The following AUTS2 variants were observed in gnomAD, a reference collection of about 807,000 sequenced individuals.
AUTS2 encodes the protein activator of transcription and developmental regulator AUTS2, also known as autism susceptibility gene 2 protein.
In AUTS2, 17 loss-of-function variants were observed where a neutral mutation model predicts 112.4. That is an observed-to-expected ratio of 0.15 (90% CI 0.10 to 0.23). AUTS2 has a LOEUF of 0.23. AUTS2 is among the 10% of genes least tolerant of loss of function. The probability of loss-of-function intolerance (pLI) is 1.00; values close to 1 mark genes in which losing one functional copy is unlikely to be tolerated. For synonymous variants in AUTS2, 751 were observed against 702.7 expected (o/e 1.07, Z -1.09); for missense variants, 1,510 against 1,701.6 (o/e 0.89, Z 1.98).
At chr7:69,690,496 G>A (rs931483970) in intron 1 of AUTS2, among the ~76,000 whole-genome samples, 29 of 152,226 alleles carry the variant, frequency 1.9e-4, no homozygotes, top group African/African-American at 6.5e-4. Context: ...CAGGCGCAGA[G>A]CGGCAAGGGG....
rs566329554 is a variant in AUTS2, at chr7:69,770,829, G to A, written c.310-128457G>A. On this transcript the variant is annotated intron_variant, in intron 1 of 18. Coordinates refer to ENST00000342771, the MANE Select transcript of AUTS2 (RefSeq NM_015570.4). ...CCCCTCACCTCAGCTGCACTTAGGA[G>A]GACTTAATGACATCATTTAACGTTA... is the stretch of plus-strand genomic sequence containing the variant. Among the ~76,000 whole-genome samples, 11 of 152,056 alleles carry A rather than the reference G, an allele frequency of 7.2e-5. No homozygotes were observed. In the East Asian group the frequency reaches 1.9e-3, roughly 27 times the overall value.
At chr7:69,799,246 T>G (rs1789977077) in intron 1 of AUTS2, among the ~76,000 whole-genome samples, 1 of 152,110 alleles carries the variant, frequency 6.6e-6, no homozygotes, top group African/African-American at 2.4e-5. Flanking sequence ...CAACCCAGAT[T>G]CACTGAATGA....
chr7:70,605,778 A>G (rs755702422), intron 5 of AUTS2, among the ~76,000 whole-genome samples: 22 of 152,214 alleles, frequency 1.4e-4, no homozygotes, highest in Non-Finnish European at 2.5e-4. Context: ...AGGAATACAC[A>G]CAGACCAGAG....
At chr7:69,809,585 G>T (rs1195567382) in intron 1 of AUTS2, among the ~76,000 whole-genome samples, 1 of 152,016 alleles carries the variant, frequency 6.6e-6, no homozygotes, top group Non-Finnish European at 1.5e-5. Context: ...AGAACCTGGG[G>T]GCTCACATTT....
At chr7:69,801,956 G>C (rs1367492620) in intron 1 of AUTS2, among the ~76,000 whole-genome samples, 1 of 152,170 alleles carries the variant, frequency 6.6e-6, no homozygotes, top group East Asian at 1.9e-4. Flanking sequence ...AGGAGTCACT[G>C]AGAAGGCAAC....
At chr7:70,246,750 AT>A in intron 4 of AUTS2, among the ~76,000 whole-genome samples, 1 of 152,172 alleles carries the variant, frequency 6.6e-6, no homozygotes, top group South Asian at 2.1e-4. Flanking sequence ...TGAAATTTTC[AT>A]TGGAATTGCA....
intron 2 of AUTS2, among the ~76,000 whole-genome samples, chr7:70,100,893 T>G (rs570353886): frequency 6.6e-6 from 1 of 152,236 alleles, no homozygotes; most frequent in African/African-American, 2.4e-5. Flanking sequence ...TTTTTGTTTT[T>G]TTGAGACAGA....
intron 6 of AUTS2, among the ~76,000 whole-genome samples, chr7:70,704,838 T>C (rs918247712): frequency 6.6e-6 from 1 of 152,244 alleles, no homozygotes; most frequent in African/African-American, 2.4e-5. Context: ...TTTATTTAAC[T>C]AGGTTTCTTT....
intron 1 of AUTS2, among the ~76,000 whole-genome samples, chr7:69,837,380 A>G (rs566942687): frequency 1.1e-4 from 16 of 152,268 alleles, no homozygotes; most frequent in African/African-American, 3.6e-4. Flanking sequence ...AAGGTTACCC[A>G]GCTAGAACTT....
intron 4 of AUTS2, among the ~76,000 whole-genome samples, chr7:70,303,022 C>CTGTGCAGA (rs373307155): frequency 6.6e-5 from 10 of 151,318 alleles, no homozygotes; most frequent in African/African-American, 2.4e-4. Context: ...TCCCTTGTGG[C>CTGTGCAGA]TGTGCAGAAG....
intron 1 of AUTS2, among the ~76,000 whole-genome samples, chr7:69,898,164 T>G (rs1046916488): frequency 6.6e-6 from 1 of 152,194 alleles, no homozygotes; most frequent in African/African-American, 2.4e-5. Flanking sequence ...AAACATCTTA[T>G]GTAAGTCATA....
intron 2 of AUTS2, among the ~76,000 whole-genome samples, chr7:70,027,297 C>T (rs895118723): frequency 3.3e-5 from 5 of 152,110 alleles, no homozygotes; most frequent in African/African-American, 1.2e-4. Context: ...GTTATTTTAG[C>T]CTTGTCGGGT....
intron 5 of AUTS2, among the ~76,000 whole-genome samples, chr7:70,542,739 G>C (rs1800604201): frequency 6.6e-6 from 1 of 152,206 alleles, no homozygotes. Flanking sequence ...GAGTAGAAGA[G>C]ACGTGCCCAG....
intron 2 of AUTS2, among the ~76,000 whole-genome samples, chr7:70,042,352 G>A (rs899757856): frequency 6.6e-6 from 1 of 152,146 alleles, no homozygotes; most frequent in African/African-American, 2.4e-5. Context: ...CAAGGTTCCT[G>A]TTGAAACAGA....
At chr7:69,729,994 A>ATTTTTTTTTTTTTTT (rs10684331) in intron 1 of AUTS2, among the ~76,000 whole-genome samples, 7 of 56,760 alleles carry the variant, frequency 1.2e-4, no homozygotes, top group African/African-American at 5.0e-4. Flanking sequence ...TGTTGTTTTA[A>ATTTTTTTTTTTTTTT]TTTTTTTTTT....
chr7:69,963,118 T>TGGGAAATGGAAGGAGAAGGAGTTTATGCC (rs1797497170), intron 2 of AUTS2, among the ~76,000 whole-genome samples: 3 of 151,982 alleles, frequency 2.0e-5, no homozygotes, highest in Admixed American at 2.0e-4. Flanking sequence ...AAAAGGTGGG[T>TGGGAAATGGAAGGAGAAGGAGTTTATGCC]GGGAAATGGA....
intron 4 of AUTS2, among the ~76,000 whole-genome samples, chr7:70,401,865 C>T (rs937792551): frequency 6.6e-6 from 1 of 152,212 alleles, no homozygotes; most frequent in Admixed American, 6.5e-5. Context: ...AAGGGGTTAA[C>T]GCTGTATAGG....
chr7:70,596,120 T>C (rs1436546797), intron 5 of AUTS2: 3 of 152,626 alleles, frequency 2.0e-5, no homozygotes, highest in Non-Finnish European at 4.4e-5. Context: ...TCTTCTGAGC[T>C]AATTAGGAGA....
intron 2 of AUTS2, among the ~76,000 whole-genome samples, chr7:70,110,456 C>CA (rs1805011311): frequency 6.6e-6 from 1 of 152,114 alleles, no homozygotes; most frequent in Admixed American, 6.5e-5. Context: ...GCAGAGGTTG[C>CA]AGTGAGCCGA....
Sources: allele counts gnomAD v4.1 joint callset (sites outside exome capture counted in the v4.1 genomes callset), GRCh38; gene constraint gnomAD v4.1.1; transcripts MANE v1.5; gene names NCBI Gene and HGNC (gene_info 2026-07-23, HGNC 2026-07-21).